ASAP1: variants seen among roughly 807,000 people sequenced by gnomAD.
ASAP1 encodes arf-GAP with SH3 domain, ANK repeat and PH domain-containing protein 1.
In ASAP1, 43 loss-of-function variants were observed where a neutral mutation model predicts 145.2. The observed-to-expected ratio is 0.30, with a 90% CI of 0.23 to 0.38. The LOEUF (loss-of-function observed/expected upper bound fraction) is 0.38. ASAP1 is among the 10% of genes least tolerant of loss of function. ASAP1 has a pLI of 1.00. For synonymous variants in ASAP1, 546 were observed against 515.5 expected (o/e 1.06, Z -0.80); for missense variants, 1,018 against 1,355.3 (o/e 0.75, Z 3.91).
At chr8:130,162,291 T>C (rs2097670804) in intron 11 of ASAP1, among the ~76,000 whole-genome samples, 1 of 142,216 alleles carries the variant, frequency 7.0e-6, no homozygotes, top group South Asian at 2.4e-4. Flanking sequence ...GTAACAACAG[T>C]AGTAACAGGT....
chr8:130,093,276 C>A (rs1258773938), intron 24 of ASAP1, among the ~76,000 whole-genome samples: 1 of 151,980 alleles, frequency 6.6e-6, no homozygotes, highest in Admixed American at 6.6e-5. Context: ...CTGGTGTGTG[C>A]CAGGTATTCC....
chr8:130,286,945 T>C (rs1216954061), intron 3 of ASAP1, among the ~76,000 whole-genome samples: 1 of 152,006 alleles, frequency 6.6e-6, no homozygotes, highest in African/African-American at 2.4e-5. Flanking sequence ...CAGGGAGCGA[T>C]TCAGATGAAG....
intron 20 of ASAP1, among the ~76,000 whole-genome samples, chr8:130,117,474 A>G (rs1038815225): frequency 3.3e-5 from 5 of 152,182 alleles, no homozygotes; most frequent in Non-Finnish European, 7.4e-5. Flanking sequence ...GCTTGTGTCT[A>G]TGTACCATTT....
chr8:130,399,976 T>A (rs1828707673), intron 2 of ASAP1, among the ~76,000 whole-genome samples: 1 of 152,116 alleles, frequency 6.6e-6, no homozygotes, highest in South Asian at 2.1e-4. Flanking sequence ...TGTGCCACCA[T>A]GCCCAGCTAA....
intron 5 of ASAP1, among the ~76,000 whole-genome samples, chr8:130,205,037 T>C (rs186195844): frequency 2.0e-5 from 3 of 152,350 alleles, no homozygotes; most frequent in Non-Finnish European, 2.9e-5. Context: ...CAAAGAGATA[T>C]TGATTAGCAA....
At chr8:130,427,583 G>A (rs969533476) in intron 1 of ASAP1, among the ~76,000 whole-genome samples, 1 of 152,178 alleles carries the variant, frequency 6.6e-6, no homozygotes, top group African/African-American at 2.4e-5. Context: ...GGAAAGGAGA[G>A]GAAACTGAGG....
At chr8:130,094,247 G>A (rs1364488410) in intron 24 of ASAP1, among the ~76,000 whole-genome samples, 1 of 152,002 alleles carries the variant, frequency 6.6e-6, no homozygotes, top group African/African-American at 2.4e-5. Context: ...GTCTTGCTTT[G>A]TCATCCTGCT....
At position 130,053,469 on chromosome 8, in the gene ASAP1, C is replaced by T. The variant is rs888040206; in HGVS notation, c.*1262G>A. On this transcript the variant is annotated 3_prime_UTR_variant, in exon 30 of 30. Transcript: ENST00000518721. ...AACTGAGAGGGAAGAGTGCTTTTCA[C>T]AGTGCAATTCATAGCAGCGTTCAAA... 6.6e-6 allele frequency: 1 copy of T among 152,166 alleles called. No homozygotes were observed. Among genetic ancestry groups the T allele is most frequent in the Non-Finnish European group, 1.5e-5 (1 of 68,026 alleles). 9.4% of individuals were successfully genotyped at this position (152,166 alleles called of 1,614,324 possible).
intron 9 of ASAP1, among the ~76,000 whole-genome samples, chr8:130,174,540 T>C (rs1004804424): frequency 2.6e-5 from 4 of 152,190 alleles, no homozygotes; most frequent in Non-Finnish European, 5.9e-5. Context: ...ATGGAATCTC[T>C]TTTTAGTCTC....
intron 12 of ASAP1, 96 bp downstream of exon 12, chr8:130,159,768 T>C: frequency 3.3e-6 from 3 of 919,716 alleles, no homozygotes; most frequent in Non-Finnish European, 5.3e-6. Flanking sequence ...GCAGCTAGTG[T>C]ATTATAAAAT....
rs71572317 is a variant in ASAP1 at position 130,093,666 on chromosome 8, C to CAAAAAAAAAAA, written c.2402-1534_2402-1524dup. ...TGGCTGTCACAGCGAGACTCCGTCT[C>CAAAAAAAAAAA]AAAAAAAAAAAAAAAAAAAAAAAGA... On this transcript the variant is annotated intron_variant, in intron 24 of 29. Transcript: ENST00000518721. Among the ~76,000 whole-genome samples the CAAAAAAAAAAA allele has an allele frequency of 6.7e-4, 35 of 52,188 alleles. 1 individual carries two copies. Among genetic ancestry groups the CAAAAAAAAAAA allele is most frequent in the East Asian group, 2.4e-3 (3 of 1,274 alleles). 34.2% of individuals were successfully genotyped at this position (52,188 alleles called of 152,430 possible). A position where few individuals can be genotyped will look rare whatever the true frequency, so the allele number is the denominator to read the frequency against.
chr8:130,072,769 T>C (rs2097449803), intron 27 of ASAP1, among the ~76,000 whole-genome samples: 1 of 126,084 alleles, frequency 7.9e-6, no homozygotes, highest in South Asian at 2.5e-4. Flanking sequence ...TCAGAAGTTC[T>C]GAAGGCCTGG....
intron 1 of ASAP1, among the ~76,000 whole-genome samples, chr8:130,426,851 G>A (rs989774232): frequency 5.9e-5 from 9 of 152,038 alleles, no homozygotes; most frequent in South Asian, 2.1e-4. Flanking sequence ...ACTATTTGTC[G>A]TCTCACACAC....
intron 5 of ASAP1, among the ~76,000 whole-genome samples, chr8:130,194,862 C>G (rs1486456961): frequency 6.6e-6 from 1 of 152,174 alleles, no homozygotes; most frequent in Non-Finnish European, 1.5e-5. Flanking sequence ...AATGAGTCAG[C>G]AGGGGTTGGG....
chr8:130,322,420 C>T (rs1824064506), intron 3 of ASAP1, among the ~76,000 whole-genome samples: 1 of 152,178 alleles, frequency 6.6e-6, no homozygotes, highest in South Asian at 2.1e-4. Context: ...CCCGCTGTCT[C>T]CTACAGAGAG....
chr8:130,262,254 G>T (rs1819945646), intron 3 of ASAP1, among the ~76,000 whole-genome samples: 1 of 151,704 alleles, frequency 6.6e-6, no homozygotes, highest in Admixed American at 6.6e-5. Context: ...AACTAGCCGG[G>T]CACGGTGGCA....
intron 6 of ASAP1, 78 bp from the exon 7 acceptor site, chr8:130,187,363 A>G (rs1001624642): frequency 8.2e-7 from 1 of 1,226,118 alleles, no homozygotes; most frequent in African/African-American, 1.5e-5. Flanking sequence ...ATGACATCTT[A>G]GCAAGAATTG....
chr8:130,093,341 T>A (rs932070869), intron 24 of ASAP1, among the ~76,000 whole-genome samples: 9 of 152,140 alleles, frequency 5.9e-5, no homozygotes, highest in African/African-American at 2.2e-4. Flanking sequence ...TTTAACTGTG[T>A]TCATGGCAAA....
rs1164397331 is a variant in ASAP1 at position 130,217,173 on chromosome 8, C to T, written c.260-2472G>A. On this transcript the variant is annotated intron_variant, in intron 4 of 29. Coordinates refer to ENST00000518721, the MANE Select transcript of ASAP1 (RefSeq NM_018482.4). ...CTTGGAAGCATTTCAGATGCCTGTACTCAACTCTCCACCTCCCTCCTCTGT... is the reference window on the plus strand; with the variant it reads ...CTTGGAAGCATTTCAGATGCCTGTATTCAACTCTCCACCTCCCTCCTCTGT... 2.0e-5 allele frequency among the ~76,000 whole-genome samples: 3 copies of T among 152,188 alleles called. No individual in the cohort carries two copies. The East Asian group carries it at 5.8e-4, about 29-fold the overall frequency.
Sources: gnomAD v4.1 joint callset for allele counts (sites outside exome capture counted in the v4.1 genomes callset) on GRCh38, gnomAD v4.1.1 for gene constraint, MANE v1.5 for transcripts, NCBI Gene and HGNC (gene_info 2026-07-23, HGNC 2026-07-21) for gene names.